The following EFNA5 variants were observed in gnomAD, a reference collection of about 807,000 sequenced individuals.
EFNA5 encodes ephrin-A5.
In EFNA5, 5 loss-of-function variants were observed where a neutral mutation model predicts 22.9. The observed-to-expected ratio is 0.22, with a 90% CI of 0.11 to 0.46. The LOEUF (loss-of-function observed/expected upper bound fraction) is 0.46, where lower values mean the gene tolerates loss of function less well. Among genes scored for constraint, EFNA5 ranks in the 20% least tolerant of loss-of-function variants. EFNA5 has a pLI of 0.99. For missense variants in EFNA5, 237 were observed against 293.3 expected (o/e 0.81, Z 1.40); for synonymous variants, 113 against 112.2 (o/e 1.01, Z -0.04).
chr5:107,652,269 C>T (rs1750749446), intron 1 of EFNA5, among the ~76,000 whole-genome samples: 1 of 152,150 alleles, frequency 6.6e-6, no homozygotes, highest in African/African-American at 2.4e-5. Context: ...GGCCTTTGCT[C>T]CTGTTCCTAA....
At chr5:107,634,737 T>C (rs906559136) in intron 1 of EFNA5, among the ~76,000 whole-genome samples, 1 of 124,438 alleles carries the variant, frequency 8.0e-6, no homozygotes, top group Non-Finnish European at 1.9e-5. Context: ...GTATTTCAAA[T>C]GGGAGAAGTT....
At position 107,638,042 on chromosome 5, in the gene EFNA5, A is replaced by G. The variant is rs528099785; in HGVS notation, c.125+32447T>C. On this transcript the variant is annotated intron_variant, in intron 1 of 4. Transcript: ENST00000333274. ...TTTGTATTTTTTTTTTTTAGTAGAGACGGGGTTTCACCATGTTAGCCAGGA... is the reference window on the plus strand; with the variant it reads ...TTTGTATTTTTTTTTTTTAGTAGAGGCGGGGTTTCACCATGTTAGCCAGGA... 1.6e-4 allele frequency among the ~76,000 whole-genome samples: 24 copies of G among 149,618 alleles called. No homozygotes were observed. The East Asian group carries it at 4.5e-3, about 28-fold the overall frequency.
intron 1 of EFNA5, among the ~76,000 whole-genome samples, chr5:107,582,438 A>C (rs181691580): frequency 3.9e-5 from 6 of 152,322 alleles, no homozygotes; most frequent in African/African-American, 1.4e-4. Flanking sequence ...AAATGTTTAG[A>C]GAACACAATA....
At chr5:107,618,586 C>T (rs184253558) in intron 1 of EFNA5, among the ~76,000 whole-genome samples, 15 of 152,302 alleles carry the variant, frequency 9.8e-5, no homozygotes, top group Admixed American at 7.2e-4. Context: ...ACAGGATAGG[C>T]ACAGTTTTCC....
At chr5:107,560,556 G>A (rs1748513604) in intron 1 of EFNA5, among the ~76,000 whole-genome samples, 1 of 152,156 alleles carries the variant, frequency 6.6e-6, no homozygotes, top group African/African-American at 2.4e-5. Context: ...GCTGTGAACT[G>A]TGCTCATACT....
intron 1 of EFNA5, among the ~76,000 whole-genome samples, chr5:107,613,489 T>A (rs1211555370): frequency 1.3e-5 from 2 of 152,106 alleles, no homozygotes; most frequent in African/African-American, 4.8e-5. Flanking sequence ...GAATGACCCT[T>A]GCTATATGAA....
intron 4 of EFNA5, 106 bp downstream of exon 4, chr5:107,387,126 GAAC>G (rs1338892507): frequency 1.3e-5 from 9 of 708,836 alleles, no homozygotes; most frequent in South Asian, 8.9e-5. Flanking sequence ...AGCAAAAGCA[GAAC>G]AACAACTATA....
intron 1 of EFNA5, among the ~76,000 whole-genome samples, chr5:107,499,160 C>CA (rs1391710800): frequency 2.0e-5 from 3 of 151,454 alleles, no homozygotes; most frequent in Non-Finnish European, 4.4e-5. Context: ...AGGAAGATGT[C>CA]AAAAAAAGAG....
At chr5:107,628,200 A>G (rs1750179625) in intron 1 of EFNA5, among the ~76,000 whole-genome samples, 1 of 152,178 alleles carries the variant, frequency 6.6e-6, no homozygotes, top group African/African-American at 2.4e-5. Context: ...AGCTAGTGGA[A>G]GATAATTGCT....
At chr5:107,594,136 T>C (rs1299584065) in intron 1 of EFNA5, among the ~76,000 whole-genome samples, 1 of 152,180 alleles carries the variant, frequency 6.6e-6, no homozygotes, top group East Asian at 1.9e-4. Flanking sequence ...ACCTCATCAA[T>C]ACAAACTGAT....
At chr5:107,496,336 C>CAAAAAAAAAAAAAAAAAA (rs77916124) in intron 1 of EFNA5, among the ~76,000 whole-genome samples, 4 of 79,838 alleles carry the variant, frequency 5.0e-5, no homozygotes, top group Non-Finnish European at 9.3e-5. Flanking sequence ...AATTCCATCT[C>CAAAAAAAAAAAAAAAAAA]AAAAAAAAAA....
At chr5:107,394,826 A>G (rs1462606877) in intron 2 of EFNA5, among the ~76,000 whole-genome samples, 3 of 152,136 alleles carry the variant, frequency 2.0e-5, no homozygotes, top group Non-Finnish European at 4.4e-5. Flanking sequence ...GCACACTAAC[A>G]TGCTTTTTGT....
chr5:107,467,158 G>A (rs1048981662), intron 1 of EFNA5, among the ~76,000 whole-genome samples: 5 of 152,134 alleles, frequency 3.3e-5, no homozygotes, highest in African/African-American at 1.2e-4. Flanking sequence ...GCCAAGTGGA[G>A]GGGCCATCTC....
intron 1 of EFNA5, among the ~76,000 whole-genome samples, chr5:107,581,478 T>C (rs1182550445): frequency 6.6e-6 from 1 of 152,142 alleles, no homozygotes; most frequent in East Asian, 1.9e-4. Flanking sequence ...ACATCGAATA[T>C]CTGATTAAGC....
chr5:107,583,951 C>T (rs1749123163), intron 1 of EFNA5, among the ~76,000 whole-genome samples: 1 of 152,150 alleles, frequency 6.6e-6, no homozygotes, highest in African/African-American at 2.4e-5. Context: ...ACTTAATCTA[C>T]ACCTCAGAGC....
chr5:107,586,532 T>C, intron 1 of EFNA5, among the ~76,000 whole-genome samples: 1 of 152,212 alleles, frequency 6.6e-6, no homozygotes, highest in East Asian at 1.9e-4. Flanking sequence ...CCTGTGCTAC[T>C]GTATTCCAGG....
intron 1 of EFNA5, among the ~76,000 whole-genome samples, chr5:107,665,262 A>T (rs1395445936): frequency 6.6e-6 from 1 of 152,222 alleles, no homozygotes; most frequent in Non-Finnish European, 1.5e-5. Context: ...GGAGGCGCCC[A>T]TCTTTATGTC....
rs148571029 is a variant in EFNA5 at position 107,643,871 on chromosome 5, TTAATAATAA to T, written c.125+26609_125+26617del. Among the ~76,000 whole-genome samples the T allele has an allele frequency of 3.7e-4, 54 of 146,260 alleles. 1 individual carries two copies. Among genetic ancestry groups the T allele is most frequent in the Admixed American group, 1.3e-3 (19 of 14,908 alleles). ...TCTTCTTTATAGCTGTCTATTTTCT[TTAATAATAA>T]TAATAATAATAATAATAATAAAGGC... On this transcript the variant is annotated intron_variant, in intron 1 of 4. Coordinates refer to ENST00000333274, the MANE Select transcript of EFNA5 (RefSeq NM_001962.3).
chr5:107,574,162 C>G (rs565744393), intron 1 of EFNA5, among the ~76,000 whole-genome samples: 1 of 152,128 alleles, frequency 6.6e-6, no homozygotes, highest in African/African-American at 2.4e-5. Context: ...GAATTTAAGA[C>G]GTATTCATAC....
Sources: gnomAD v4.1 joint callset for allele counts (sites outside exome capture counted in the v4.1 genomes callset) on GRCh38, gnomAD v4.1.1 for gene constraint, MANE v1.5 for transcripts, NCBI Gene and HGNC (gene_info 2026-07-23, HGNC 2026-07-21) for gene names.